Variants in ITK observed in about 807,000 individuals in gnomAD.
The protein encoded by ITK is IL2 inducible T cell kinase.
ITK carries 45 observed loss-of-function variants against 87.6 expected under a neutral mutation model. That is an observed-to-expected ratio of 0.51 (90% CI 0.40 to 0.66). The LOEUF is 0.66. Ranked by LOEUF, ITK falls within the 30% of genes least tolerant of loss-of-function variation. The probability of loss-of-function intolerance (pLI) is 0.00; values close to 1 mark genes in which losing one functional copy is unlikely to be tolerated. For missense variants in ITK, 605 were observed against 766.3 expected (o/e 0.79, Z 2.48); for synonymous variants, 303 against 273.6 (o/e 1.11, Z -1.06).
intron 6 of ITK, chr5:157,224,256 C>A (rs1754485995): frequency 1.3e-5 from 2 of 151,376 alleles, no homozygotes; most frequent in South Asian, 4.2e-4. Flanking sequence ...TTCACTCTAG[C>A]CTGAGCGACA....
rs947662987 is a variant in ITK, at chr5:157,253,775, G to A, written c.*1097G>A. 9.2e-6 allele frequency: 2 copies of A among 217,102 alleles called. No homozygotes were observed. The highest frequency in any genetic ancestry group is 1.9e-5 in the Non-Finnish European group (2 of 107,884). 13.4% of individuals were successfully genotyped at this position (217,102 alleles called of 1,614,324 possible). On this transcript the variant is annotated 3_prime_UTR_variant, in exon 17 of 17. Transcript: ENST00000422843. ...CCTAAAATTCTAGGAGAGAAATAAA[G>A]AGTCTGTTTTTGCTCAAACCATCAG...
At chr5:157,207,452 C>T (rs1054738630) in intron 1 of ITK, among the ~76,000 whole-genome samples, 1 of 141,478 alleles carries the variant, frequency 7.1e-6, no homozygotes, top group East Asian at 2.2e-4. Flanking sequence ...GCGGTCTCCA[C>T]TCACTGCAAG....
In ITK at chr5:157,181,143, T is replaced by C. The variant is rs202178950; in HGVS notation, c.138+28T>C. 1,480 of 1,613,304 alleles carry C rather than the reference T, an allele frequency of 9.2e-4. 9 individuals carry two copies. The Middle Eastern group carries it at 0.014, about 15-fold the overall frequency. Reference sequence around the variant, plus strand: ...ATGTGAGCAGTTTCATTTGTCTTTTTTCGCATAGCATTTTATGTTTGGACT... The same window carrying C: ...ATGTGAGCAGTTTCATTTGTCTTTTCTCGCATAGCATTTTATGTTTGGACT... On this transcript the variant is annotated intron_variant, in intron 1 of 16. Transcript: ENST00000422843.
At position 157,254,224 on chromosome 5, in the gene ITK, G is replaced by C. The variant is rs1231356142; in HGVS notation, c.*1546G>C. On this transcript the variant is annotated 3_prime_UTR_variant, in exon 17 of 17. Coordinates refer to ENST00000422843, the MANE Select transcript of ITK (RefSeq NM_005546.4). ...TAGTGTTGCTCTGGCACAGACCACT[G>C]TGGTTGATGGCATGGCCCTCCAACT... The C allele has an allele frequency of 4.4e-6, 1 of 229,814 alleles. No individual in the cohort carries two copies. Among genetic ancestry groups the C allele is most frequent in the East Asian group, 6.2e-5 (1 of 16,160 alleles). The allele number at this position is 229,814 out of a possible 1,614,324, so 14.2% of individuals were successfully genotyped here.
At position 157,238,163 on chromosome 5, in the gene ITK, G is replaced by A. The variant is rs780522355; in HGVS notation, c.823G>A (p.Val275Met). The A allele has an allele frequency of 1.4e-5, 22 of 1,613,646 alleles. No homozygotes were observed. Among genetic ancestry groups the A allele is most frequent in the African/African-American group, 1.1e-4 (8 of 74,912 alleles). The change falls in exon 9 of 17, where the codon GTG becomes ATG. Residue 275 changes from valine (V) to methionine (M), a missense_variant. Val to Met is a conservative substitution (Grantham distance 21). Transcript: ENST00000422843. ...RDSRTAGTYT[V>M]SVFTKAVVSE... ...TTCCAGGACTGCAGGAACATACACC[G>A]TGTCTGTTTTCACCAAGGCTGTTGT...
chr5:157,192,124 G>C (rs1317013859), intron 1 of ITK, among the ~76,000 whole-genome samples: 2 of 152,198 alleles, frequency 1.3e-5, no homozygotes, highest in Non-Finnish European at 2.9e-5. Context: ...TTTAGTGAGA[G>C]AGAGGGGAAA....
intron 6 of ITK, chr5:157,224,302 A>T (rs1754487922): frequency 6.6e-6 from 1 of 151,558 alleles, no homozygotes. Flanking sequence ...AAAAAAAGTG[A>T]TCACTATTAA....
At chr5:157,181,191 A>G in intron 1 of ITK, 76 bp downstream of exon 1, 2 of 1,374,526 alleles carry the variant, frequency 1.5e-6, no homozygotes, top group South Asian at 1.2e-5. Context: ...AAATATATAC[A>G]TAGCATAAAA....
intron 15 of ITK, among the ~76,000 whole-genome samples, chr5:157,247,603 T>TC (rs1755047750): frequency 6.6e-6 from 1 of 152,178 alleles, no homozygotes; most frequent in African/African-American, 2.4e-5. Flanking sequence ...CTGAAATTAG[T>TC]CCCTGTCTAG....
intron 1 of ITK, among the ~76,000 whole-genome samples, chr5:157,190,598 A>G (rs73814029): frequency 0.017 from 2,664 of 152,334 alleles, 72 homozygotes; most frequent in African/African-American, 0.061. Flanking sequence ...ATAACTGCAT[A>G]GGGCAGATAG....
intron 10 of ITK, 35 bp downstream of exon 10, chr5:157,240,230 C>T: frequency 6.2e-7 from 1 of 1,606,202 alleles, no homozygotes; most frequent in South Asian, 1.1e-5. Flanking sequence ...CCGGGCCGCC[C>T]AGCAGGAGGT....
At position 157,252,760 on chromosome 5, in the gene ITK, G is replaced by T; in HGVS notation, c.*82G>T. On this transcript the variant is annotated 3_prime_UTR_variant, in exon 17 of 17. Transcript: ENST00000422843. ...CTCATTCCATAGAGCATTAGAAGCT[G>T]CCACCAGCCCAGGACCCTCCAGAGG... 1.8e-6 allele frequency: 2 copies of T among 1,136,200 alleles called. No individual in the cohort carries two copies. The highest frequency in any genetic ancestry group is 1.3e-6 in the Non-Finnish European group (1 of 747,776). 70.4% of individuals were successfully genotyped at this position (1,136,200 alleles called of 1,614,324 possible).
intron 4 of ITK, among the ~76,000 whole-genome samples, chr5:157,216,539 G>A (rs1754302455): frequency 6.6e-6 from 1 of 152,108 alleles, no homozygotes; most frequent in Admixed American, 6.6e-5. Context: ...AGCAGCAGAA[G>A]TGGATGAGTA....
At chr5:157,222,708 C>T in intron 5 of ITK, 155 bp from the exon 6 acceptor site, 2 of 713,328 alleles carry the variant, frequency 2.8e-6, no homozygotes, top group East Asian at 2.7e-5. Flanking sequence ...ATTCCAAGCA[C>T]TGATGTCTTT....
chr5:157,212,001 C>T (rs185003930), intron 3 of ITK, among the ~76,000 whole-genome samples: 3 of 152,316 alleles, frequency 2.0e-5, no homozygotes, highest in Non-Finnish European at 4.4e-5. Flanking sequence ...TTTCTTAAGC[C>T]TTACCTTCCT....
Position 157,249,088 on chromosome 5 carries a change from T to A in ITK, c.1791+81T>A, listed in dbSNP as rs148705127. On this transcript the variant is annotated intron_variant, in intron 16 of 16. Coordinates refer to ENST00000422843, the MANE Select transcript of ITK (RefSeq NM_005546.4). ...TCCTTCCCTAGAGAAAGGAACCCTCTCAGAAGGATGAGGCAGGAGGGATAA... is the reference window on the plus strand; with the variant it reads ...TCCTTCCCTAGAGAAAGGAACCCTCACAGAAGGATGAGGCAGGAGGGATAA... 205 of 1,242,058 alleles carry A rather than the reference T, an allele frequency of 1.7e-4. 1 individual carries two copies. The African/African-American group carries it at 2.7e-3, about 16-fold the overall frequency. 76.9% of individuals were successfully genotyped at this position (1,242,058 alleles called of 1,614,324 possible).
chr5:157,237,847 A>T (rs1000065259), intron 8 of ITK, among the ~76,000 whole-genome samples: 4 of 152,210 alleles, frequency 2.6e-5, no homozygotes, highest in Non-Finnish European at 5.9e-5. Context: ...ATACATGGGG[A>T]GCTCTAAAAG....
intron 16 of ITK, 44 bp from the exon 17 acceptor site, chr5:157,252,563 G>T (rs80231455): frequency 1.4e-6 from 2 of 1,429,658 alleles, no homozygotes; most frequent in African/African-American, 1.4e-5. Context: ...TACCTATGAC[G>T]CATAAGTACA....
intron 1 of ITK, chr5:157,195,451 A>C (rs2113742682): frequency 6.6e-6 from 1 of 152,316 alleles, no homozygotes; most frequent in African/African-American, 2.4e-5. Context: ...TTAATCCTTA[A>C]AGAGATAATA....
Sources: gnomAD v4.1 joint callset for allele counts (sites outside exome capture counted in the v4.1 genomes callset) on GRCh38, gnomAD v4.1.1 for gene constraint, MANE v1.5 for transcripts, NCBI Gene and HGNC (gene_info 2026-07-23, HGNC 2026-07-21) for gene names.